The following GALNT5 variants were observed in gnomAD, a reference collection of about 807,000 sequenced individuals.
GALNT5 encodes the protein UDP-GalNAc:polypeptide N-acetylgalactosaminyltransferase 5.
GALNT5 carries 72 observed loss-of-function variants against 85.4 expected under a neutral mutation model. The ratio of observed to expected loss-of-function variants is 0.84; its 90% confidence interval spans 0.70 to 1.03. The LOEUF (loss-of-function observed/expected upper bound fraction) is 1.03. GALNT5 is among the 50% of genes least tolerant of loss of function. The pLI is 0.00. For synonymous variants in GALNT5, 404 were observed against 397.0 expected, an observed-to-expected ratio of 1.02 and a Z score of -0.21; for missense variants, 1,137 against 1,135.5, an observed-to-expected ratio of 1.00 and a Z score of -0.02.
chr2:157,258,537 A>G lies in GALNT5; in HGVS notation c.455A>G (p.Glu152Gly), dbSNP rs1574006713. The change falls in exon 1 of 10, where the codon GAA (glutamate) becomes GGA (glycine). Residue 152 changes from glutamate to glycine, a missense_variant. Coordinates refer to ENST00000259056, the MANE Select transcript of GALNT5 (RefSeq NM_014568.3). Reference protein sequence around the residue: ...QKTDGRGTKPEASSHQGTPKQ... With the variant: ...QKTDGRGTKPGASSHQGTPKQ... ...ACAGACGGGAGAGGCACCAAACCTG[A>G]AGCCTCCTCTCACCAGGGGACACCA... is the stretch of plus-strand genomic sequence containing the variant. 1 of 1,612,976 alleles carries G rather than the reference A, an allele frequency of 6.2e-7. No homozygotes were observed. Among genetic ancestry groups the G allele is most frequent in the Non-Finnish European group, 8.5e-7 (1 of 1,179,772 alleles).
chr2:157,278,816 T>A (rs1421430929), intron 1 of GALNT5, among the ~76,000 whole-genome samples: 1 of 152,230 alleles, frequency 6.6e-6, no homozygotes, highest in Admixed American at 6.5e-5. Context: ...CCTACTTCTA[T>A]CAATTTGTCA....
In GALNT5 at chr2:157,296,495, A is replaced by T; in HGVS notation, c.1979A>T (p.Lys660Ile). 6.2e-7 allele frequency: 1 copy of T among 1,609,806 alleles called. No homozygotes were observed. Residue 660 changes from lysine to isoleucine, a missense_variant, in exon 5 of 10, where the codon AAA becomes ATA. Coordinates refer to ENST00000259056, the MANE Select transcript of GALNT5 (RefSeq NM_014568.3). ...GATGTCATTGCAAAAAACAGAATTA[A>T]AGAAACTGATACAATAAGGTAAGTG... ...PPDVIAKNRIKETDTIRCPVM... is the reference protein window; with the variant it reads ...PPDVIAKNRIIETDTIRCPVM...
In GALNT5 at chr2:157,300,885, C is replaced by T. The variant is rs147653821; in HGVS notation, c.2325C>T (p.Gly775=). ...TCATCGACCAAGGGCTAGATGTTGG[C>T]AACCTCACCCAGCAAAGGGAGCTGC... is the stretch of plus-strand genomic sequence containing the variant. The part of the protein sequence containing the change: ...DHLIDQGLDV[G]NLTQQRELRK... The change falls in exon 7 of 10, where the codon GGC becomes GGT. Residue 775 remains glycine (G), a synonymous_variant. Coordinates refer to ENST00000259056, the MANE Select transcript of GALNT5 (RefSeq NM_014568.3). 3.1e-6 allele frequency: 5 copies of T among 1,613,778 alleles called. No individual in the cohort carries two copies. The African/African-American group carries it at 6.7e-5, about 22-fold the overall frequency.
chr2:157,269,823 A>C lies in GALNT5; in HGVS notation c.1454+10287A>C, dbSNP rs1405005789. Among the ~76,000 whole-genome samples the C allele has an allele frequency of 2.0e-5, 3 of 152,160 alleles. No individual in the cohort carries two copies. The East Asian group carries it at 5.8e-4, about 29-fold the overall frequency. On this transcript the variant is annotated intron_variant, in intron 1 of 9. Transcript: ENST00000259056. ...GCCTGCTTAGTTAACTCCTCCTGAT[A>C]CAATTCCTTTTGTCACTGGATGTTT...
Position 157,300,829 on chromosome 2 carries a change from A to G in GALNT5, c.2269A>G (p.Lys757Glu), listed in dbSNP as rs748849451. Residue 757 changes from lysine (K) to glutamate (E), a missense_variant, in exon 7 of 10, where the codon AAG becomes GAG. By Grantham distance (56) the Lys-to-Glu change is moderately conservative. Coordinates refer to ENST00000259056, the MANE Select transcript of GALNT5 (RefSeq NM_014568.3). ...RVAEVWLDEY[K>E]ELFYGHGDHL... Reference sequence around the variant, plus strand: ...TGCCGAGGTCTGGCTGGATGAGTATAAGGAGCTGTTCTATGGCCACGGAGA... The same window carrying G: ...TGCCGAGGTCTGGCTGGATGAGTATGAGGAGCTGTTCTATGGCCACGGAGA... 10 of 1,613,956 alleles carry G rather than the reference A, an allele frequency of 6.2e-6. No homozygotes were observed. The highest frequency in any genetic ancestry group is 8.5e-6 in the Non-Finnish European group (10 of 1,179,990).
intron 1 of GALNT5, among the ~76,000 whole-genome samples, chr2:157,268,734 G>A (rs917064740): frequency 6.6e-6 from 1 of 152,270 alleles, no homozygotes; most frequent in South Asian, 2.1e-4. Flanking sequence ...CCACATTAGA[G>A]GCCCCATTTG....
At position 157,296,586 on chromosome 2, in the gene GALNT5, A is replaced by G. The variant is rs563334153; in HGVS notation, c.1997+73A>G. The G allele has an allele frequency of 2.2e-5, 25 of 1,130,914 alleles. No individual in the cohort carries two copies. The African/African-American group carries it at 2.5e-4, about 11-fold the overall frequency. The allele number at this position is 1,130,914 out of a possible 1,614,324, so 70.1% of individuals were successfully genotyped here. On this transcript the variant is annotated intron_variant, in intron 5 of 9. Coordinates refer to ENST00000259056, the MANE Select transcript of GALNT5 (RefSeq NM_014568.3). Reference sequence around the variant, plus strand: ...TAAAAGCATTAAAAAATTCTACAAAACAGCTGTATCTTGTTATTCTATAGA... The same window carrying G: ...TAAAAGCATTAAAAAATTCTACAAAGCAGCTGTATCTTGTTATTCTATAGA...
chr2:157,287,435 C>T (rs1470914387), intron 3 of GALNT5, among the ~76,000 whole-genome samples: 4 of 152,140 alleles, frequency 2.6e-5, no homozygotes, highest in African/African-American at 9.6e-5. Context: ...CTCTCCCCTC[C>T]CTCTCATCCC....
chr2:157,273,728 C>T (rs1193533854), intron 1 of GALNT5, among the ~76,000 whole-genome samples: 16 of 148,012 alleles, frequency 1.1e-4, no homozygotes, highest in African/African-American at 2.8e-4. Flanking sequence ...CCGCAACCTC[C>T]GCCTCTGGGG....
intron 2 of GALNT5, among the ~76,000 whole-genome samples, 173 bp downstream of exon 2, chr2:157,284,621 A>G (rs949195889): frequency 6.6e-6 from 1 of 152,252 alleles, no homozygotes; most frequent in Non-Finnish European, 1.5e-5. Context: ...TATGGACGTT[A>G]AAAGTCATCT....
rs769504678 is a variant in GALNT5, at chr2:157,284,283, T to G, written c.1456T>G (p.Cys486Gly). The stretch of plus-strand genomic sequence containing the variant: ...TGCTCTGCTTATATTCTGGCCCAGA[T>G]GTGCAGAGCAGCTAGTTCACAATAA... ...RAIEDTRPAGCAEQLVHNNLP... is the reference protein window; with the variant it reads ...RAIEDTRPAGGAEQLVHNNLP... Residue 486 changes from cysteine (C) to glycine (G), a missense_variant and splice_region_variant, in exon 2 of 10, where the codon TGT becomes GGT. By Grantham distance (159) the Cys-to-Gly change is radical. Coordinates refer to ENST00000259056, the MANE Select transcript of GALNT5 (RefSeq NM_014568.3). 1 of 1,613,582 alleles carries G rather than the reference T, an allele frequency of 6.2e-7. No individual in the cohort carries two copies. Among genetic ancestry groups the G allele is most frequent in the Non-Finnish European group, 8.5e-7 (1 of 1,179,600 alleles).
intron 1 of GALNT5, among the ~76,000 whole-genome samples, chr2:157,276,081 T>C (rs1473748513): frequency 6.6e-6 from 1 of 152,202 alleles, no homozygotes; most frequent in Non-Finnish European, 1.5e-5. Context: ...CAGATAATCA[T>C]GTGGTTTTTG....
chr2:157,304,992 C>T (rs4255921), intron 7 of GALNT5, among the ~76,000 whole-genome samples: 16,570 of 152,168 alleles, frequency 0.11, 2,511 homozygotes, highest in African/African-American at 0.34. Context: ...CCTATAGATT[C>T]GGCTCTGCAC....
intron 5 of GALNT5, among the ~76,000 whole-genome samples, chr2:157,296,908 TTTTC>T (rs1485436155): frequency 6.6e-6 from 1 of 152,224 alleles, no homozygotes; most frequent in Non-Finnish European, 1.5e-5. Flanking sequence ...ATGGTTAGGA[TTTTC>T]TTTTACAGCC....
chr2:157,277,514 T>C (rs542034791), intron 1 of GALNT5, among the ~76,000 whole-genome samples: 3 of 152,222 alleles, frequency 2.0e-5, no homozygotes, highest in African/African-American at 7.2e-5. Flanking sequence ...CTGTATTGGG[T>C]GCATATATAT....
At chr2:157,294,491 C>G (rs1683166209) in intron 3 of GALNT5, among the ~76,000 whole-genome samples, 1 of 152,122 alleles carries the variant, frequency 6.6e-6, no homozygotes, top group South Asian at 2.1e-4. Context: ...TAAAGTGGTC[C>G]TGGCAGAGGT....
Position 157,295,692 on chromosome 2 carries a change from G to A in GALNT5, c.1771G>A (p.Val591Met), listed in dbSNP as rs1394482450. ...TGTGTTGACATTTTTAGATTCTCAT[G>A]TGGAATGTAACGTTGGTTGGTTGGA... ...GDVLTFLDSH[V>M]ECNVGWLEPL... Residue 591 changes from valine to methionine, a missense_variant, in exon 4 of 10, where the codon GTG (valine) becomes ATG (methionine). Physicochemically the swap from Val to Met is conservative, Grantham distance 21. Transcript: ENST00000259056. 1.2e-6 allele frequency: 2 copies of A among 1,613,004 alleles called. No homozygotes were observed. The highest frequency in any genetic ancestry group is 1.3e-5 in the African/African-American group (1 of 74,884).
At chr2:157,281,049 G>GTATT (rs1682844381) in intron 1 of GALNT5, among the ~76,000 whole-genome samples, 2 of 151,756 alleles carry the variant, frequency 1.3e-5, no homozygotes, top group African/African-American at 4.9e-5. Context: ...CTAGTCTCAG[G>GTATT]TATTTCTTTC....
rs1405528371 is a variant in GALNT5, at chr2:157,300,798, G to A, written c.2238G>A (p.Val746=). The change falls in exon 7 of 10, where the codon GTG becomes GTA. Residue 746 remains valine, a synonymous_variant. Transcript: ENST00000259056. ...TGAAGACAGTGGAGCGGAACTTGGT[G>A]CGGGTTGCCGAGGTCTGGCTGGATG... ...DRMKTVERNL[V]RVAEVWLDEY... is the part of the protein sequence containing the mutation. 4 of 1,614,116 alleles carry A rather than the reference G, an allele frequency of 2.5e-6. No individual in the cohort carries two copies. Among genetic ancestry groups the A allele is most frequent in the Non-Finnish European group, 2.5e-6 (3 of 1,180,014 alleles).
Sources: gnomAD v4.1 joint callset for allele counts (sites outside exome capture counted in the v4.1 genomes callset) on GRCh38, gnomAD v4.1.1 for gene constraint, MANE v1.5 for transcripts, NCBI Gene and HGNC (gene_info 2026-07-23, HGNC 2026-07-21) for gene names.